ACACA: variants seen among roughly 807,000 people sequenced by gnomAD.
The protein encoded by ACACA is acetyl-CoA carboxylase 1.
In ACACA, 103 loss-of-function variants were observed where a neutral mutation model predicts 296.1. That is an observed-to-expected ratio of 0.35 (90% confidence interval 0.30 to 0.41). The LOEUF is 0.41. Ranked by LOEUF, ACACA falls within the 10% of genes least tolerant of loss-of-function variation. The pLI, the probability that ACACA is intolerant of heterozygous loss-of-function variation, is 1.00. For synonymous variants in ACACA, 953 were observed against 1,038.6 expected (o/e 0.92, Z 1.58); for missense variants, 1,554 against 2,989.7 (o/e 0.52, Z 11.20).
chr17:37,314,801 C>T (rs1030315970), intron 3 of ACACA, among the ~76,000 whole-genome samples: 11 of 151,478 alleles, frequency 7.3e-5, no homozygotes, highest in African/African-American at 2.2e-4. Flanking sequence ...TCCCCATGCC[C>T]GGGTAAGTTT....
intron 45 of ACACA, 64 bp from the exon 46 acceptor site, chr17:37,130,282 C>G (rs1192398314): frequency 6.9e-6 from 11 of 1,595,772 alleles, no homozygotes; most frequent in Non-Finnish European, 9.5e-6. Context: ...GTCGATTTCA[C>G]AAGTCGCACT....
chr17:37,377,745 C>T (rs2050070587), intron 1 of ACACA: 2 of 513,698 alleles, frequency 3.9e-6, no homozygotes, highest in Admixed American at 3.8e-5. Context: ...TCCCAAGTTG[C>T]AAGTTTTATG....
At chr17:37,281,473 T>C (rs1032519484) in intron 5 of ACACA, among the ~76,000 whole-genome samples, 2 of 152,226 alleles carry the variant, frequency 1.3e-5, no homozygotes, top group Middle Eastern at 3.2e-3. Context: ...TTGAAATCAT[T>C]TGTTTCCTAG....
At chr17:37,232,671 A>G (rs1347165405) in intron 25 of ACACA, among the ~76,000 whole-genome samples, 1 of 152,172 alleles carries the variant, frequency 6.6e-6, no homozygotes, top group Non-Finnish European at 1.5e-5. Context: ...TAACTTCTTG[A>G]TTTCCAAATC....
At chr17:37,120,015 C>T (rs1396554997) in intron 50 of ACACA, among the ~76,000 whole-genome samples, 6 of 151,156 alleles carry the variant, frequency 4.0e-5, no homozygotes, top group Admixed American at 4.0e-4. Flanking sequence ...GCCTCAGCCT[C>T]CCAAGTAGCT....
chr17:37,377,895 T>A (rs762910144), intron 1 of ACACA: 3 of 1,611,884 alleles, frequency 1.9e-6, no homozygotes, highest in Non-Finnish European at 1.7e-6. Context: ...GAGATAGCAG[T>A]TGCCGACTGG....
chr17:37,404,194 T>C (rs772889184), intron 1 of ACACA, among the ~76,000 whole-genome samples: 2 of 152,214 alleles, frequency 1.3e-5, no homozygotes, highest in Non-Finnish European at 2.9e-5. Context: ...ATCTGGATAT[T>C]TGCCTTAGCC....
intron 25 of ACACA, among the ~76,000 whole-genome samples, chr17:37,229,544 C>T (rs1180310646): frequency 1.3e-5 from 2 of 151,888 alleles, no homozygotes; most frequent in Non-Finnish European, 2.9e-5. Context: ...ACCTTGTGAT[C>T]CACCCGCCTC....
chr17:37,144,945 AG>A lies in ACACA; in HGVS notation c.5679+4918del, dbSNP rs1372665751. Among the ~76,000 whole-genome samples the A allele has an allele frequency of 9.9e-5, 15 of 152,190 alleles. 1 individual carries two copies. Among genetic ancestry groups the A allele is most frequent in the Admixed American group, 8.5e-4 (13 of 15,278 alleles). ...ACCTTCACAGTCAGTTAATGTCCAC[AG>A]GACAACCATAAACTGCATATTCTTA... On this transcript the variant is annotated intron_variant, in intron 45 of 55. Coordinates refer to ENST00000616317, the MANE Select transcript of ACACA (RefSeq NM_198834.3).
intron 3 of ACACA, among the ~76,000 whole-genome samples, chr17:37,298,983 A>C (rs919963733): frequency 5.3e-5 from 8 of 152,234 alleles, no homozygotes; most frequent in Non-Finnish European, 1.2e-4. Context: ...GATACATCTG[A>C]GGTTCCCTTC....
chr17:37,384,822 T>A (rs1046707732), intron 1 of ACACA, among the ~76,000 whole-genome samples: 1 of 152,236 alleles, frequency 6.6e-6, no homozygotes, highest in Admixed American at 6.5e-5. Flanking sequence ...CCTGGTACTA[T>A]GGCCACTGGC....
chr17:37,372,553 A>C lies in ACACA; in HGVS notation c.39-32703T>G, dbSNP rs58805162. 7.8e-4 allele frequency among the ~76,000 whole-genome samples: 119 copies of C among 152,302 alleles called. 1 individual carries two copies. In the East Asian group the frequency reaches 0.023, roughly 29 times the overall value. On this transcript the variant is annotated intron_variant, in intron 1 of 55. Coordinates refer to ENST00000616317, the MANE Select transcript of ACACA (RefSeq NM_198834.3). ...CAAGAGAAGACAAGTGACCTGTTCA[A>C]ATTGATTTAGTCAATTAAAGAGCCT...
chr17:37,314,950 C>CTTTTT (rs71284913), intron 3 of ACACA, among the ~76,000 whole-genome samples: 56 of 60,822 alleles, frequency 9.2e-4, no homozygotes, highest in Admixed American at 1.1e-3. Context: ...GCCAGGAATG[C>CTTTTT]TTTTTTTTTT....
chr17:37,382,834 T>G (rs2050361586), intron 1 of ACACA, among the ~76,000 whole-genome samples: 1 of 152,070 alleles, frequency 6.6e-6, no homozygotes, highest in Non-Finnish European at 1.5e-5. Context: ...CACTCCAGCC[T>G]GGCGACAGAG....
chr17:37,345,119 TCTCGGCTCACCACAACCTCTGC>T (rs1315687741), intron 1 of ACACA: 1 of 152,462 alleles, frequency 6.6e-6, no homozygotes, highest in Non-Finnish European at 1.5e-5. Flanking sequence ...AGTGGCATGA[TCTCGGCTCACCACAACCTCTGC>T]CTCCCAGGTT....
chr17:37,240,283 C>T (rs951853156), intron 24 of ACACA, among the ~76,000 whole-genome samples, 193 bp downstream of exon 24: 6 of 152,138 alleles, frequency 3.9e-5, no homozygotes, highest in Non-Finnish European at 7.4e-5. Context: ...AGCTGTGTTT[C>T]GTTGTTCTTT....
intron 5 of ACACA, among the ~76,000 whole-genome samples, chr17:37,279,430 G>A (rs2082407555): frequency 1.3e-5 from 2 of 151,924 alleles, no homozygotes; most frequent in South Asian, 4.1e-4. Flanking sequence ...GTCAGGAGAT[G>A]GAGACCATCC....
chr17:37,316,229 T>C (rs2047078871), intron 3 of ACACA, among the ~76,000 whole-genome samples: 1 of 151,876 alleles, frequency 6.6e-6, no homozygotes, highest in Non-Finnish European at 1.5e-5. Context: ...CAATGACTTG[T>C]AATTGCCTGA....
intron 52 of ACACA, among the ~76,000 whole-genome samples, chr17:37,106,103 A>G (rs1389598399): frequency 1.3e-5 from 2 of 152,282 alleles, no homozygotes; most frequent in South Asian, 4.1e-4. Flanking sequence ...CTATGTAATC[A>G]CATTTTCTAT....
Sources: gnomAD v4.1 joint callset for allele counts (sites outside exome capture counted in the v4.1 genomes callset) on GRCh38, gnomAD v4.1.1 for gene constraint, MANE v1.5 for transcripts, NCBI Gene and HGNC (gene_info 2026-07-23, HGNC 2026-07-21) for gene names.